Variants in SYNPO2 observed in about 807,000 individuals in gnomAD.
The protein encoded by SYNPO2 is synaptopodin-2.
Under a neutral mutation model 85.0 loss-of-function variants are expected in SYNPO2, and 56 were observed. The observed-to-expected ratio is 0.66, with a 90% CI of 0.53 to 0.82. SYNPO2 has a LOEUF of 0.82. Among genes scored for constraint, SYNPO2 ranks in the 40% least tolerant of loss-of-function variants. The probability of loss-of-function intolerance (pLI) is 0.00; values close to 1 mark genes in which losing one functional copy is unlikely to be tolerated. For synonymous variants in SYNPO2, 602 were observed against 591.1 expected, an observed-to-expected ratio of 1.02 and a Z score of -0.27; for missense variants, 1,575 against 1,534.2, an observed-to-expected ratio of 1.03 and a Z score of -0.44.
chr4:118,867,713 G>A (rs1230404939), intron 1 of SYNPO2, among the ~76,000 whole-genome samples: 2 of 149,684 alleles, frequency 1.3e-5, no homozygotes, highest in African/African-American at 4.9e-5. Context: ...AAAATTATAT[G>A]CCAGGAGTTC....
intron 1 of SYNPO2, among the ~76,000 whole-genome samples, chr4:118,852,726 G>C (rs1731441406): frequency 6.6e-6 from 1 of 152,162 alleles, no homozygotes; most frequent in African/African-American, 2.4e-5. Flanking sequence ...GGAGGCTGGA[G>C]GGTGGGAGGA....
intron 1 of SYNPO2, among the ~76,000 whole-genome samples, chr4:118,868,639 A>G (rs540195708): frequency 3.5e-4 from 54 of 152,224 alleles, no homozygotes; most frequent in Non-Finnish European, 6.8e-4. Context: ...AGGAATAAAA[A>G]GATAGTAATA....
intron 4 of SYNPO2, among the ~76,000 whole-genome samples, chr4:119,047,257 A>G (rs113448320): frequency 2.2e-4 from 33 of 152,250 alleles, no homozygotes; most frequent in Middle Eastern, 6.8e-3. Flanking sequence ...ACAGGGTTTC[A>G]CCATGTTGGC....
chr4:119,031,425 G>A lies in SYNPO2; in HGVS notation c.2650G>A (p.Glu884Lys). 1 of 1,614,158 alleles carries A rather than the reference G, an allele frequency of 6.2e-7. No homozygotes were observed. Among genetic ancestry groups the A allele is most frequent in the South Asian group, 1.1e-5 (1 of 91,078 alleles). The change falls in exon 4 of 5, where the codon GAG becomes AAG. Residue 884 changes from glutamate to lysine, a missense_variant. Around this residue, in one of 3 missense-constraint regions of SYNPO2, gnomAD observed 1,508 missense variants for 1,446.8 expected, o/e 1.04. Coordinates refer to ENST00000307142, the MANE Select transcript of SYNPO2 (RefSeq NM_133477.3). The part of the protein sequence containing the change: ...QLFAKRQSRM[E>K]KYVVDSDTVQ... Reference sequence around the variant, plus strand: ...CTTTGCTAAAAGGCAGTCGAGAATGGAGAAGTATGTGGTCGATTCAGACAC... The same window carrying A: ...CTTTGCTAAAAGGCAGTCGAGAATGAAGAAGTATGTGGTCGATTCAGACAC...
Position 119,059,722 on chromosome 4 carries a change from G to A in SYNPO2, c.*1788G>A, listed in dbSNP as rs915912629. The A allele has an allele frequency of 1.3e-5, 2 of 151,304 alleles. No homozygotes were observed. The highest frequency in any genetic ancestry group is 2.9e-5 in the Non-Finnish European group (2 of 67,894). 9.4% of individuals were successfully genotyped at this position (151,304 alleles called of 1,614,324 possible). On this transcript the variant is annotated 3_prime_UTR_variant, in exon 5 of 5. Transcript: ENST00000307142. ...TTAAAAATAATGCCAGGGTGCAAGTGACCAAGGCCTTATCTTGAAAGTTAA... is the reference window on the plus strand; with the variant it reads ...TTAAAAATAATGCCAGGGTGCAAGTAACCAAGGCCTTATCTTGAAAGTTAA...
chr4:119,007,261 T>TATATATATATATATATATGTATATAC (rs1737101025), intron 1 of SYNPO2, among the ~76,000 whole-genome samples: 17 of 29,358 alleles, frequency 5.8e-4, no homozygotes, highest in African/African-American at 1.7e-3. Flanking sequence ...TACATATATA[T>TATATATATATATATATATGTATATAC]ATATATATAT....
At chr4:118,902,724 T>C (rs1229243925) in intron 1 of SYNPO2, among the ~76,000 whole-genome samples, 1 of 152,190 alleles carries the variant, frequency 6.6e-6, no homozygotes, top group African/African-American at 2.4e-5. Flanking sequence ...TCTTCTGAAA[T>C]GTATTCTCCC....
chr4:118,881,057 C>A (rs1353029677), intron 1 of SYNPO2, among the ~76,000 whole-genome samples: 4 of 152,000 alleles, frequency 2.6e-5, no homozygotes, highest in Non-Finnish European at 5.9e-5. Context: ...AATCCCAGCA[C>A]TTTGGGAGGC....
At chr4:118,894,836 TTA>T (rs939139036) in intron 1 of SYNPO2, among the ~76,000 whole-genome samples, 1 of 149,348 alleles carries the variant, frequency 6.7e-6, no homozygotes, top group Non-Finnish European at 1.5e-5. Flanking sequence ...GATTCACATT[TTA>T]AAAAAAAAAA....
chr4:118,963,135 C>G (rs1037288135), intron 1 of SYNPO2, among the ~76,000 whole-genome samples: 3 of 152,160 alleles, frequency 2.0e-5, no homozygotes, highest in Admixed American at 2.0e-4. Context: ...TCTATAACAC[C>G]TTTGGTGAGA....
At chr4:119,037,111 G>A (rs1412164646) in intron 4 of SYNPO2, 2 of 1,536,696 alleles carry the variant, frequency 1.3e-6, no homozygotes, top group Non-Finnish European at 1.8e-6. Context: ...CTCTGTGACA[G>A]GTGAAATGTA....
At position 118,932,422 on chromosome 4, in the gene SYNPO2, A is replaced by G. The variant is rs543869687; in HGVS notation, c.105+43281A>G. Among the ~76,000 whole-genome samples the G allele has an allele frequency of 5.3e-4, 81 of 152,340 alleles. 1 individual carries two copies. The highest frequency in any genetic ancestry group is 1.9e-3 in the African/African-American group (79 of 41,576). ...TAAACTTGTTTGCATCTGACATGTT[A>G]TTGTTAATAAAATATTTTATCCTAT... On this transcript the variant is annotated intron_variant, in intron 1 of 4. Coordinates refer to ENST00000307142, the MANE Select transcript of SYNPO2 (RefSeq NM_133477.3).
intron 1 of SYNPO2, among the ~76,000 whole-genome samples, chr4:118,869,357 A>C (rs1269218222): frequency 6.6e-6 from 1 of 152,112 alleles, no homozygotes; most frequent in Non-Finnish European, 1.5e-5. Flanking sequence ...AGCCTAAGAA[A>C]ATTATTGTTA....
intron 1 of SYNPO2, among the ~76,000 whole-genome samples, chr4:118,998,038 C>T (rs940417159): frequency 2.6e-5 from 4 of 152,120 alleles, no homozygotes; most frequent in African/African-American, 9.7e-5. Context: ...CTGGAGAAGA[C>T]AGTGTTAGGA....
chr4:118,989,267 G>A (rs1418495657), intron 1 of SYNPO2, among the ~76,000 whole-genome samples: 1 of 152,186 alleles, frequency 6.6e-6, no homozygotes, highest in Non-Finnish European at 1.5e-5. Flanking sequence ...GGGATGTTGT[G>A]CCCATAGCTT....
At chr4:119,003,224 A>G (rs968079493) in intron 1 of SYNPO2, among the ~76,000 whole-genome samples, 2 of 152,180 alleles carry the variant, frequency 1.3e-5, no homozygotes, top group Non-Finnish European at 2.9e-5. Context: ...GATGGAAGGC[A>G]AAGGGGAAGC....
upstream of SYNPO2, chr4:118,888,851 G>A (rs1732261838): frequency 9.5e-6 from 6 of 633,190 alleles, no homozygotes; most frequent in Admixed American, 2.9e-5. Flanking sequence ...GAGCCCATTA[G>A]CCGCACAAAT....
At chr4:118,931,674 A>G (rs1733937306) in intron 1 of SYNPO2, among the ~76,000 whole-genome samples, 1 of 152,162 alleles carries the variant, frequency 6.6e-6, no homozygotes, top group Non-Finnish European at 1.5e-5. Context: ...AATCAGTGGG[A>G]TCCCAGATTC....
chr4:118,865,963 AG>A (rs1408640259), intron 1 of SYNPO2, among the ~76,000 whole-genome samples: 1 of 152,218 alleles, frequency 6.6e-6, no homozygotes. Flanking sequence ...ATTGGAACCC[AG>A]GAGAGTGAAG....
Sources: allele counts gnomAD v4.1 joint callset (sites outside exome capture counted in the v4.1 genomes callset), GRCh38; gene constraint gnomAD v4.1.1; regional missense constraint gnomAD v4.1.1; transcripts MANE v1.5; gene names NCBI Gene and HGNC (gene_info 2026-07-23, HGNC 2026-07-21).